Variants in SLC30A6 observed in about 807,000 individuals in gnomAD.
SLC30A6 encodes the protein solute carrier family 30 member 6, also known as zinc transporter 6.
In SLC30A6, 55 loss-of-function variants were observed where a neutral mutation model predicts 63.0. The observed-to-expected ratio is 0.87, with a 90% CI of 0.70 to 1.09. The LOEUF (loss-of-function observed/expected upper bound fraction) is 1.09, where lower values mean the gene tolerates loss of function less well. Ranked by LOEUF, SLC30A6 falls within the 50% of genes least tolerant of loss-of-function variation. The pLI is 0.00. For synonymous variants in SLC30A6, 224 were observed against 186.1 expected (o/e 1.20, Z -1.66); for missense variants, 587 against 549.2 (o/e 1.07, Z -0.69).
rs10522618 is a variant in SLC30A6 at position 32,212,894 on chromosome 2, A to ATTTTTTTTTTTT, written c.885+3349_885+3360dup. 5.3e-4 allele frequency among the ~76,000 whole-genome samples: 63 copies of ATTTTTTTTTTTT among 118,230 alleles called. 1 individual carries two copies. The South Asian group carries it at 5.9e-3, about 11-fold the overall frequency. 77.6% of individuals were successfully genotyped at this position (118,230 alleles called of 152,430 possible). ...ACAGGAGTGAGCCACTGTGTCCAGC[A>ATTTTTTTTTTTT]TTTTTTTTTTTTTTTTTTTTTTTTT... On this transcript the variant is annotated intron_variant, in intron 13 of 13. Coordinates refer to ENST00000282587, the MANE Select transcript of SLC30A6 (RefSeq NM_017964.5).
At chr2:32,196,973 T>C (rs923676836) in intron 8 of SLC30A6, among the ~76,000 whole-genome samples, 1 of 152,102 alleles carries the variant, frequency 6.6e-6, no homozygotes, top group African/African-American at 2.4e-5. Flanking sequence ...GGCAGGAGAA[T>C]TGCTTGAACG....
chr2:32,192,763 A>G (rs150259155), intron 6 of SLC30A6, among the ~76,000 whole-genome samples, 155 bp from the exon 7 acceptor site: 1 of 152,288 alleles, frequency 6.6e-6, no homozygotes, highest in Non-Finnish European at 1.5e-5. Flanking sequence ...TAAAAAGGAT[A>G]ATTTATGAGT....
intron 13 of SLC30A6, among the ~76,000 whole-genome samples, chr2:32,211,329 T>C (rs946931419): frequency 1.4e-4 from 21 of 152,374 alleles, no homozygotes; most frequent in Non-Finnish European, 2.5e-4. Context: ...TGAAAGCAGC[T>C]TGTGGACATT....
intron 4 of SLC30A6, among the ~76,000 whole-genome samples, chr2:32,180,410 CAA>C (rs35253594): frequency 5.6e-4 from 66 of 117,184 alleles, no homozygotes; most frequent in Admixed American, 5.3e-4. Context: ...TACCCTGTCT[CAA>C]AAAAAAAAAA....
chr2:32,181,647 C>T (rs1682324817), intron 4 of SLC30A6, among the ~76,000 whole-genome samples: 1 of 151,988 alleles, frequency 6.6e-6, no homozygotes, highest in South Asian at 2.1e-4. Context: ...CTGGCAGATT[C>T]CCTGAGCTCA....
chr2:32,209,627 A>G, intron 13 of SLC30A6, 66 bp downstream of exon 13: 1 of 1,368,040 alleles, frequency 7.3e-7, no homozygotes, highest in Admixed American at 2.2e-5. Context: ...TAAAACTGAA[A>G]AAAAATATTT....
At chr2:32,212,660 G>A (rs369836252) in intron 13 of SLC30A6, among the ~76,000 whole-genome samples, 1 of 123,330 alleles carries the variant, frequency 8.1e-6, no homozygotes, top group East Asian at 2.6e-4. Context: ...GCAATGGCTT[G>A]ATCTCGGCTC....
intron 10 of SLC30A6, chr2:32,203,070 C>G (rs1684435953): frequency 7.7e-7 from 1 of 1,299,860 alleles, no homozygotes. Context: ...GGACATTGCA[C>G]AGTCACAAAG....
chr2:32,191,474 T>C (rs1340997316), intron 5 of SLC30A6, among the ~76,000 whole-genome samples: 1 of 152,182 alleles, frequency 6.6e-6, no homozygotes, highest in Non-Finnish European at 1.5e-5. Flanking sequence ...TTACCATAAA[T>C]ATTGAATACC....
chr2:32,223,152 C>T lies in SLC30A6; in HGVS notation c.*2439C>T, dbSNP rs1686231339. Reference sequence around the variant, plus strand: ...ATAGAGAAGTCTTATTTGCCAAGCTCTGACTAACTTCTGGATATGAAAATA... The same window carrying T: ...ATAGAGAAGTCTTATTTGCCAAGCTTTGACTAACTTCTGGATATGAAAATA... On this transcript the variant is annotated 3_prime_UTR_variant, in exon 14 of 14. Transcript: ENST00000282587. 2 of 152,224 alleles carry T rather than the reference C, an allele frequency of 1.3e-5. No individual in the cohort carries two copies. 9.4% of individuals were successfully genotyped at this position (152,224 alleles called of 1,614,324 possible).
chr2:32,176,612 C>T (rs566004642), intron 4 of SLC30A6, among the ~76,000 whole-genome samples: 6 of 148,750 alleles, frequency 4.0e-5, no homozygotes, highest in Admixed American at 6.7e-5. Flanking sequence ...GAGCTGAGAT[C>T]GCAGCACTGC....
intron 12 of SLC30A6, among the ~76,000 whole-genome samples, chr2:32,208,487 C>CCAGG (rs1307035638): frequency 6.6e-6 from 1 of 151,672 alleles, no homozygotes; most frequent in Non-Finnish European, 1.5e-5. Context: ...GCTATGTTGA[C>CCAGG]CAGGCTGGTC....
At position 32,220,303 on chromosome 2, in the gene SLC30A6, A is replaced by G. The variant is rs1686056512; in HGVS notation, c.976A>G (p.Thr326Ala). Residue 326 changes from threonine to alanine, a missense_variant, in exon 14 of 14, where the codon ACT becomes GCT. Physicochemically the swap from Thr to Ala is moderately conservative, Grantham distance 58 (BLOSUM62 0). Coordinates refer to ENST00000282587, the MANE Select transcript of SLC30A6 (RefSeq NM_017964.5). ...CAACAGGCTGTACACTCTAGTGTCT[A>G]CTCTAACTGTTCAAATTTTCAAGGA... is the stretch of plus-strand genomic sequence containing the variant. ...VTNRLYTLVS[T>A]LTVQIFKDDW... The G allele has an allele frequency of 6.2e-7, 1 of 1,614,152 alleles. No homozygotes were observed.
chr2:32,198,122 T>G (rs1016036623), intron 10 of SLC30A6, among the ~76,000 whole-genome samples: 1 of 152,210 alleles, frequency 6.6e-6, no homozygotes, highest in African/African-American at 2.4e-5. Flanking sequence ...CCACCACTGC[T>G]ATTGCCGAGA....
chr2:32,172,218 G>A (rs369757104), intron 2 of SLC30A6, among the ~76,000 whole-genome samples: 1 of 152,068 alleles, frequency 6.6e-6, no homozygotes, highest in East Asian at 1.9e-4. Flanking sequence ...AATATTTGAT[G>A]ACTTTTAAGT....
intron 7 of SLC30A6, 118 bp from the exon 8 acceptor site, chr2:32,193,771 C>A: frequency 1.4e-6 from 1 of 717,936 alleles, no homozygotes; most frequent in African/African-American, 1.8e-5. Context: ...CTGGAAACAC[C>A]AAATCATTAA....
At chr2:32,174,548 A>ATTTTTTTTTTT (rs11432136) in intron 3 of SLC30A6, among the ~76,000 whole-genome samples, 4 of 92,260 alleles carry the variant, frequency 4.3e-5, no homozygotes, top group Non-Finnish European at 3.8e-5. Flanking sequence ...CTATCTGGAG[A>ATTTTTTTTTTT]TTTTTTTTTT....
Position 32,184,852 on chromosome 2 carries a change from A to G in SLC30A6, c.284+514A>G, listed in dbSNP as rs539648900. On this transcript the variant is annotated intron_variant, in intron 5 of 13. Coordinates refer to ENST00000282587, the MANE Select transcript of SLC30A6 (RefSeq NM_017964.5). The stretch of plus-strand genomic sequence containing the variant: ...ATAAAATGTTCACATTAAGTTTTTT[A>G]TATTTTATAAAGCAAATATTTTAAA... Among the ~76,000 whole-genome samples the G allele has an allele frequency of 3.7e-4, 56 of 152,336 alleles. 1 individual carries two copies. The South Asian group carries it at 0.011, about 30-fold the overall frequency.
chr2:32,223,513 C>T lies in SLC30A6; in HGVS notation c.*2800C>T, dbSNP rs1686251480. On this transcript the variant is annotated 3_prime_UTR_variant, in exon 14 of 14. Transcript: ENST00000282587. ...TTAATTAGTTGATCTGTAAAATAAT[C>T]AGCTTCAAAACGTTATGGCTAAATC... 6.6e-6 allele frequency: 1 copy of T among 152,192 alleles called. No homozygotes were observed. Among genetic ancestry groups the T allele is most frequent in the Non-Finnish European group, 1.5e-5 (1 of 68,042 alleles). 9.4% of individuals were successfully genotyped at this position (152,192 alleles called of 1,614,324 possible).
Sources: gnomAD v4.1 joint callset for allele counts (sites outside exome capture counted in the v4.1 genomes callset) on GRCh38, gnomAD v4.1.1 for gene constraint, MANE v1.5 for transcripts, NCBI Gene and HGNC (gene_info 2026-07-23, HGNC 2026-07-21) for gene names.